CDH10: variants seen among roughly 807,000 people sequenced by gnomAD.
The protein encoded by CDH10 is cadherin-10.
A neutral mutation model predicts 73.1 loss-of-function variants in CDH10; 30 were observed. The observed-to-expected ratio is 0.41, with a 90% CI of 0.31 to 0.56. The LOEUF is 0.56. Ranked by LOEUF, CDH10 falls within the 20% of genes least tolerant of loss-of-function variation. The pLI, the probability that CDH10 is intolerant of heterozygous loss-of-function variation, is 0.27. For synonymous variants in CDH10, 345 were observed against 348.2 expected (o/e 0.99, Z 0.10); for missense variants, 815 against 973.7 (o/e 0.84, Z 2.17).
chr5:24,538,913 C>T (rs1364058152), intron 2 of CDH10, among the ~76,000 whole-genome samples: 1 of 152,026 alleles, frequency 6.6e-6, no homozygotes, highest in Non-Finnish European at 1.5e-5. Flanking sequence ...TCAGTGTTAC[C>T]ACCCTACCAA....
At position 24,537,622 on chromosome 5, in the gene CDH10, C is replaced by T. The variant is rs2111896863; in HGVS notation, c.284G>A (p.Gly95Glu). 6.2e-7 allele frequency: 1 copy of T among 1,604,874 alleles called. No individual in the cohort carries two copies. The highest frequency in any genetic ancestry group is 8.5e-7 in the Non-Finnish European group (1 of 1,172,150). The change falls in exon 3 of 12, where the codon GGA becomes GAA. Residue 95 changes from glycine (G) to glutamate (E), a missense_variant. By Grantham distance (98) the Gly-to-Glu change is moderately conservative. Transcript: ENST00000264463. ...GDGSLKYILS[G>E]DGAGTLFIID... ...AATAAAAAGAGTACCAGCTCCATCT[C>T]CAGATAAGATATATTTGAGTGATCC...
At chr5:24,498,111 G>T (rs1579719636) in intron 9 of CDH10, among the ~76,000 whole-genome samples, 1 of 152,044 alleles carries the variant, frequency 6.6e-6, no homozygotes, top group Non-Finnish European at 1.5e-5. Flanking sequence ...GCTTGTCTTT[G>T]TTTTTGAAAA....
In CDH10 at chr5:24,537,524, G is replaced by A. The variant is rs373340564; in HGVS notation, c.382C>T (p.Arg128Cys). The A allele has an allele frequency of 2.6e-5, 42 of 1,613,094 alleles. No individual in the cohort carries two copies. The highest frequency in any genetic ancestry group is 9.4e-5 in the African/African-American group (7 of 74,836). ...DREEKAFYTL[R>C]AQAINRRTLR... ...GTTCTTCTGTTAATAGCTTGTGCGC[G>A]TAGAGTATAAAAGGCCTTTTCCTCC... The change falls in exon 3 of 12, where the codon CGC (arginine) becomes TGC (cysteine). Residue 128 changes from arginine (R) to cysteine (C), a missense_variant. Arg to Cys is a radical substitution (Grantham distance 180, BLOSUM62 -3). Around this residue, in one of 3 missense-constraint regions of CDH10, gnomAD observed 516 missense variants for 636.6 expected, o/e 0.81. Coordinates refer to ENST00000264463, the MANE Select transcript of CDH10 (RefSeq NM_006727.5).
intron 2 of CDH10, among the ~76,000 whole-genome samples, chr5:24,587,123 C>A (rs917700176): frequency 3.3e-5 from 5 of 152,018 alleles, no homozygotes; most frequent in Non-Finnish European, 5.9e-5. Context: ...GGATTACAGG[C>A]GTGAGCCACC....
At position 24,498,619 on chromosome 5, in the gene CDH10, T is replaced by G; in HGVS notation, c.1394-100A>C. On this transcript the variant is annotated intron_variant, in intron 8 of 11. Coordinates refer to ENST00000264463, the MANE Select transcript of CDH10 (RefSeq NM_006727.5). ...TGGGTATGAAGTGCTCACATACAAATAAGCATTGCAATCATTCTACTAATA... is the reference window on the plus strand; with the variant it reads ...TGGGTATGAAGTGCTCACATACAAAGAAGCATTGCAATCATTCTACTAATA... 2.8e-6 allele frequency: 2 copies of G among 721,020 alleles called. 1 individual carries two copies. The highest frequency in any genetic ancestry group is 4.8e-6 in the Non-Finnish European group (2 of 416,000). The allele number at this position is 721,020 out of a possible 1,614,324, so 44.7% of individuals were successfully genotyped here. A position where few individuals can be genotyped will look rare whatever the true frequency, so the allele number is the denominator to read the frequency against.
intron 8 of CDH10, among the ~76,000 whole-genome samples, chr5:24,498,856 T>G (rs1360674881): frequency 6.6e-6 from 1 of 152,188 alleles, no homozygotes; most frequent in Non-Finnish European, 1.5e-5. Flanking sequence ...TTATACTTCA[T>G]TATAATTATA....
intron 2 of CDH10, among the ~76,000 whole-genome samples, chr5:24,574,291 C>A (rs575014904): frequency 6.6e-6 from 1 of 152,140 alleles, no homozygotes; most frequent in Admixed American, 6.5e-5. Context: ...TCACTTTTTT[C>A]AAAATCCATC....
intron 8 of CDH10, among the ~76,000 whole-genome samples, chr5:24,500,926 AAT>A (rs201285373): frequency 2.1e-5 from 3 of 141,956 alleles, no homozygotes; most frequent in Middle Eastern, 3.6e-3. Context: ...GAGGAGGGAA[AAT>A]AAAAAGGAGA....
chr5:24,550,254 A>T (rs1197082451), intron 2 of CDH10, among the ~76,000 whole-genome samples: 1 of 152,160 alleles, frequency 6.6e-6, no homozygotes, highest in Admixed American at 6.5e-5. Flanking sequence ...CAGTTTTGAC[A>T]TGCATATTTT....
At chr5:24,614,960 G>A (rs146302608) in intron 1 of CDH10, among the ~76,000 whole-genome samples, 1 of 152,294 alleles carries the variant, frequency 6.6e-6, no homozygotes, top group Non-Finnish European at 1.5e-5. Flanking sequence ...GCCATCTTCA[G>A]CTGCAGGAGT....
chr5:24,561,319 T>C (rs1379472412), intron 2 of CDH10, among the ~76,000 whole-genome samples: 3 of 152,172 alleles, frequency 2.0e-5, no homozygotes, highest in African/African-American at 4.8e-5. Flanking sequence ...ATGTATTTGG[T>C]ATTAATTTGA....
At chr5:24,488,217 A>C in intron 11 of CDH10, 64 bp from the exon 12 acceptor site, 1 of 1,331,538 alleles carries the variant, frequency 7.5e-7, no homozygotes, top group South Asian at 1.4e-5. Flanking sequence ...ACGAGTGGAA[A>C]TACTATAAAA....
intron 2 of CDH10, among the ~76,000 whole-genome samples, chr5:24,567,161 A>G (rs1745192406): frequency 6.6e-6 from 1 of 152,056 alleles, no homozygotes; most frequent in Non-Finnish European, 1.5e-5. Flanking sequence ...GCTATTATAT[A>G]CCTTTTAGAA....
At chr5:24,515,724 T>C (rs1292090559) in intron 5 of CDH10, among the ~76,000 whole-genome samples, 1 of 152,176 alleles carries the variant, frequency 6.6e-6, no homozygotes, top group Non-Finnish European at 1.5e-5. Flanking sequence ...CTTTCATGGC[T>C]GATATGGTTT....
At chr5:24,511,535 A>AAGAGAGAG (rs776963293) in intron 5 of CDH10, 21 bp from the exon 6 acceptor site, 16 of 845,396 alleles carry the variant, frequency 1.9e-5, no homozygotes, top group East Asian at 1.3e-4. Flanking sequence ...TAAAGAAAAG[A>AAGAGAGAG]AGAGAGAGAC....
chr5:24,601,379 T>G (rs1270268040), intron 1 of CDH10, among the ~76,000 whole-genome samples: 5 of 152,192 alleles, frequency 3.3e-5, no homozygotes, highest in Admixed American at 3.3e-4. Flanking sequence ...AGATTCCCTT[T>G]ACACTGTTCT....
At chr5:24,531,325 C>G (rs2111859795) in intron 5 of CDH10, among the ~76,000 whole-genome samples, 1 of 152,106 alleles carries the variant, frequency 6.6e-6, no homozygotes, top group African/African-American at 2.4e-5. Context: ...GATTTGTCTC[C>G]CCTGCTTTAA....
chr5:24,487,896 C>T lies in CDH10; in HGVS notation c.2134G>A (p.Asp712Asn), dbSNP rs1383833818. 3 of 1,613,894 alleles carry T rather than the reference C, an allele frequency of 1.9e-6. No individual in the cohort carries two copies. Among genetic ancestry groups the T allele is most frequent in the Non-Finnish European group, 2.5e-6 (3 of 1,179,938 alleles). ...PTAPDNTDVRDFINERLKEHD... is the reference protein window; with the variant it reads ...PTAPDNTDVRNFINERLKEHD... ...TCTTTTAGCCTTTCATTAATGAAAT[C>T]CCGGACGTCCGTGTTATCTGGAGCT... Residue 712 changes from aspartate to asparagine, a missense_variant, in exon 12 of 12, where the codon GAT becomes AAT. Physicochemically the swap from Asp to Asn is conservative, Grantham distance 23. Coordinates refer to ENST00000264463, the MANE Select transcript of CDH10 (RefSeq NM_006727.5).
chr5:24,503,365 A>AT (rs1362158282), intron 8 of CDH10, among the ~76,000 whole-genome samples: 2 of 152,194 alleles, frequency 1.3e-5, no homozygotes. Flanking sequence ...CACCATGGGA[A>AT]TTAGCAAATT....
Sources: gnomAD v4.1 joint callset for allele counts (sites outside exome capture counted in the v4.1 genomes callset) on GRCh38, gnomAD v4.1.1 for gene constraint, gnomAD v4.1.1 regional missense constraint, MANE v1.5 for transcripts, NCBI Gene and HGNC (gene_info 2026-07-23, HGNC 2026-07-21) for gene names.